The following TUT4 variants were observed in gnomAD, a reference collection of about 807,000 sequenced individuals.
The protein encoded by TUT4 is terminal uridylyltransferase 4.
A neutral mutation model predicts 192.2 loss-of-function variants in TUT4; 36 were observed. The ratio of observed to expected loss-of-function variants is 0.19; its 90% CI spans 0.14 to 0.25. TUT4 has a LOEUF of 0.25. TUT4 is among the 10% of genes least tolerant of loss of function. The pLI, the probability that TUT4 is intolerant of heterozygous loss-of-function variation, is 1.00. For missense variants in TUT4, 1,493 were observed against 1,957.2 expected (o/e 0.76, Z 4.47); for synonymous variants, 618 against 666.0 (o/e 0.93, Z 1.11).
At position 52,526,155 on chromosome 1, in the gene TUT4, T is replaced by C. The variant is rs755572679; in HGVS notation, c.126A>G (p.Val42=). 19 of 1,612,756 alleles carry C rather than the reference T, an allele frequency of 1.2e-5. No individual in the cohort carries two copies. Among genetic ancestry groups the C allele is most frequent in the East Asian group, 2.2e-5 (1 of 44,878 alleles). Residue 42 remains valine (V), a synonymous_variant, in exon 2 of 30, where the codon GTA becomes GTG. Coordinates refer to ENST00000257177, the MANE Select transcript of TUT4 (RefSeq NM_001009881.3). ...TTGGAGAGCTGTTCTCAATTTCTTTTACGGATTTATCATTTCTAGCTTTCA... is the reference window on the plus strand; with the variant it reads ...TTGGAGAGCTGTTCTCAATTTCTTTCACGGATTTATCATTTCTAGCTTTCA... ...QTLKARNDKS[V]KEIENSSPNR...
chr1:52,457,633 A>T (rs915202800), intron 20 of TUT4, among the ~76,000 whole-genome samples: 1 of 152,208 alleles, frequency 6.6e-6, no homozygotes, highest in African/African-American at 2.4e-5. Flanking sequence ...CCTAAATAAA[A>T]ATAGTCACCA....
Position 52,475,183 on chromosome 1 carries a change from G to A in TUT4, c.2376C>T (p.Asp792=), listed in dbSNP as rs2148888013. The A allele has an allele frequency of 6.2e-7, 1 of 1,614,086 alleles. No homozygotes were observed. Among genetic ancestry groups the A allele is most frequent in the East Asian group, 2.2e-5 (1 of 44,884 alleles). The part of the protein sequence containing the change: ...NLLVNELDFA[D]HGQDSSSLST... ...AAAGAGATGAAGAGTCCTGTCCGTG[G>A]TCAGCAAAATCTAGTTCATTTACCA... Residue 792 remains aspartate, a synonymous_variant, in exon 13 of 30, where the codon GAC becomes GAT. Transcript: ENST00000257177.
At position 52,513,890 on chromosome 1, in the gene TUT4, T is replaced by C. The variant is rs1677966176; in HGVS notation, c.882+2001A>G. On this transcript the variant is annotated intron_variant, in intron 3 of 29. Transcript: ENST00000257177. ...TTTATTCTGACAATGGACAAAATTA[T>C]AACACCTAGCGCATAGGGCTGTTAT... is the stretch of plus-strand genomic sequence containing the variant. 2.0e-5 allele frequency among the ~76,000 whole-genome samples: 3 copies of C among 152,346 alleles called. No individual in the cohort carries two copies. The South Asian group carries it at 6.2e-4, about 32-fold the overall frequency.
Position 52,450,913 on chromosome 1 carries a change from T to C in TUT4, c.3436-4246A>G, listed in dbSNP as rs557274570. Among the ~76,000 whole-genome samples the C allele has an allele frequency of 5.3e-5, 8 of 152,190 alleles. No homozygotes were observed. In the South Asian group the frequency reaches 1.7e-3, roughly 32 times the overall value. ...AGTATTCCGGCAAAGTGGCAAATGA[T>C]ATTACTGGAGAATTAGTACATATGA... is the stretch of plus-strand genomic sequence containing the variant. On this transcript the variant is annotated intron_variant, in intron 20 of 29. Coordinates refer to ENST00000257177, the MANE Select transcript of TUT4 (RefSeq NM_001009881.3).
Position 52,446,674 on chromosome 1 carries a change from A to G in TUT4, c.3436-7T>C. ...TCTGTTTTCCATCAAAGATCTGCAT[A>G]AAAAAATTAATTGTATTATTAGATT... On this transcript the variant is annotated splice_polypyrimidine_tract_variant and splice_region_variant and intron_variant, in intron 20 of 29. Coordinates refer to ENST00000257177, the MANE Select transcript of TUT4 (RefSeq NM_001009881.3). 3 of 1,593,940 alleles carry G rather than the reference A, an allele frequency of 1.9e-6. No individual in the cohort carries two copies. The highest frequency in any genetic ancestry group is 2.6e-6 in the Non-Finnish European group (3 of 1,171,040).
intron 11 of TUT4, among the ~76,000 whole-genome samples, chr1:52,478,700 G>A (rs1353869610): frequency 6.6e-6 from 1 of 152,142 alleles, no homozygotes; most frequent in Non-Finnish European, 1.5e-5. Context: ...CTCTAATCAG[G>A]GGAATCATAA....
At chr1:52,438,090 T>C in intron 25 of TUT4, 130 bp downstream of exon 25, 2 of 633,342 alleles carry the variant, frequency 3.2e-6, no homozygotes, top group Middle Eastern at 3.3e-4. Context: ...TCCACTCAAA[T>C]GAACATTTAC....
At chr1:52,514,894 C>CA (rs1678305552) in intron 3 of TUT4, 1 of 152,074 alleles carries the variant, frequency 6.6e-6, no homozygotes, top group African/African-American at 2.4e-5. Context: ...TCTCCTGCCT[C>CA]AGCCTCCCAA....
At chr1:52,546,202 G>A (rs1432697300) in intron 1 of TUT4, among the ~76,000 whole-genome samples, 1 of 152,134 alleles carries the variant, frequency 6.6e-6, no homozygotes, top group Non-Finnish European at 1.5e-5. Context: ...TCACTTCTGG[G>A]TATATACCAA....
chr1:52,529,392 T>C (rs944805334), intron 1 of TUT4, among the ~76,000 whole-genome samples: 1 of 152,230 alleles, frequency 6.6e-6, no homozygotes, highest in African/African-American at 2.4e-5. Context: ...GTCAGAAAAG[T>C]TGTCAAAACA....
Position 52,488,904 on chromosome 1 carries a change from C to G in TUT4, c.1515+5G>C. 1 of 1,592,532 alleles carries G rather than the reference C, an allele frequency of 6.3e-7. No individual in the cohort carries two copies. Among genetic ancestry groups the G allele is most frequent in the Non-Finnish European group, 8.5e-7 (1 of 1,174,278 alleles). ...AAATAAGTAGTTTTCCTCTCTTTCA[C>G]TTACCTTAGCCCAGTAGCGAAAGGC... On this transcript the variant is annotated splice_donor_5th_base_variant and intron_variant, in intron 9 of 29. Coordinates refer to ENST00000257177, the MANE Select transcript of TUT4 (RefSeq NM_001009881.3).
chr1:52,527,586 TA>T (rs1033002914), intron 1 of TUT4, among the ~76,000 whole-genome samples: 5 of 150,576 alleles, frequency 3.3e-5, no homozygotes, highest in Admixed American at 1.3e-4. Flanking sequence ...CTTAAGAGTT[TA>T]AAAAAAAACA....
chr1:52,526,328 A>T lies in TUT4; in HGVS notation c.-48T>A. 1.4e-6 allele frequency: 2 copies of T among 1,423,534 alleles called. No homozygotes were observed. The highest frequency in any genetic ancestry group is 1.8e-6 in the Non-Finnish European group (2 of 1,093,832). 88.2% of individuals were successfully genotyped at this position (1,423,534 alleles called of 1,614,324 possible). On this transcript the variant is annotated 5_prime_UTR_variant, in exon 2 of 30. Coordinates refer to ENST00000257177, the MANE Select transcript of TUT4 (RefSeq NM_001009881.3). ...CAATTGTGATATTATAAAATGGCAG[A>T]TCTCCAGTAGTTTAAATTGCTTCAA...
chr1:52,431,281 T>C lies in TUT4; in HGVS notation c.4443A>G (p.Pro1481=), dbSNP rs199652801. ...QMPLYNFPQS[P]PAQYSPMHNM... ...TGTGCATGGGAGAATACTGAGCTGG[T>C]GGTGACTGGGGAAAGTTATACAGTG... Residue 1481 remains proline, a synonymous_variant, in exon 28 of 30, where the codon CCA becomes CCG. Coordinates refer to ENST00000257177, the MANE Select transcript of TUT4 (RefSeq NM_001009881.3). 6.2e-7 allele frequency: 1 copy of C among 1,614,092 alleles called. No individual in the cohort carries two copies. Among genetic ancestry groups the C allele is most frequent in the South Asian group, 1.1e-5 (1 of 91,082 alleles).
intron 20 of TUT4, among the ~76,000 whole-genome samples, chr1:52,453,114 G>A (rs1659920789): frequency 6.6e-6 from 1 of 152,170 alleles, no homozygotes; most frequent in Admixed American, 6.5e-5. Flanking sequence ...GCTGGGCGTG[G>A]GGGCTCAGGC....
At chr1:52,456,640 T>C (rs1661066385) in intron 20 of TUT4, among the ~76,000 whole-genome samples, 1 of 151,804 alleles carries the variant, frequency 6.6e-6, no homozygotes, top group Non-Finnish European at 1.5e-5. Flanking sequence ...TCTGGAAAAG[T>C]CAAAACTATG....
intron 4 of TUT4, among the ~76,000 whole-genome samples, chr1:52,504,417 G>A (rs1674962795): frequency 6.6e-6 from 1 of 152,108 alleles, no homozygotes; most frequent in South Asian, 2.1e-4. Context: ...GGATCAGGAG[G>A]TCAGGAGTTT....
At chr1:52,465,202 C>T in intron 15 of TUT4, 29 bp from the exon 16 acceptor site, 1 of 1,567,464 alleles carries the variant, frequency 6.4e-7, no homozygotes, top group East Asian at 2.3e-5. Context: ...AGTCCAAGGC[C>T]TTATTATAAG....
At chr1:52,463,572 C>A in intron 16 of TUT4, 2 of 1,247,246 alleles carry the variant, frequency 1.6e-6, no homozygotes, top group Admixed American at 5.5e-5. Context: ...ACTACAGATG[C>A]CAGAAGCTGG....
Sources: allele counts gnomAD v4.1 joint callset (sites outside exome capture counted in the v4.1 genomes callset), GRCh38; gene constraint gnomAD v4.1.1; transcripts MANE v1.5; gene names NCBI Gene and HGNC (gene_info 2026-07-23, HGNC 2026-07-21).